The following CLEC16A variants were observed in gnomAD, a reference collection of about 807,000 sequenced individuals.
CLEC16A encodes the protein C-type lectin domain containing 16A.
Under a neutral mutation model 109.5 loss-of-function variants are expected in CLEC16A, and 51 were observed. The ratio of observed to expected loss-of-function variants is 0.47; its 90% CI spans 0.37 to 0.59. The LOEUF (loss-of-function observed/expected upper bound fraction) is 0.59. Among genes scored for constraint, CLEC16A ranks in the 20% least tolerant of loss-of-function variants. The probability of loss-of-function intolerance (pLI) is 0.00; values close to 1 mark genes in which losing one functional copy is unlikely to be tolerated. For missense variants in CLEC16A, 1,339 were observed against 1,394.0 expected, an observed-to-expected ratio of 0.96 and a Z score of 0.63; for synonymous variants, 673 against 564.2, an observed-to-expected ratio of 1.19 and a Z score of -2.73.
intron 23 of CLEC16A, among the ~76,000 whole-genome samples, chr16:11,172,598 A>G (rs2068568345): frequency 6.6e-6 from 1 of 152,318 alleles, no homozygotes; most frequent in Non-Finnish European, 1.5e-5. Flanking sequence ...ATTTTTAAAA[A>G]ACAAAAACGG....
At chr16:11,069,355 C>T (rs988741892) in intron 19 of CLEC16A, among the ~76,000 whole-genome samples, 1 of 152,112 alleles carries the variant, frequency 6.6e-6, no homozygotes, top group African/African-American at 2.4e-5. Flanking sequence ...TCTCAAACTC[C>T]TCTGCTCAAG....
chr16:11,141,546 A>G (rs974109947), intron 22 of CLEC16A, among the ~76,000 whole-genome samples: 1 of 152,006 alleles, frequency 6.6e-6, no homozygotes, highest in Non-Finnish European at 1.5e-5. Flanking sequence ...TGTGAGTTTC[A>G]TTCTGCGTGC....
chr16:11,096,673 C>G (rs1023415472), intron 19 of CLEC16A, among the ~76,000 whole-genome samples: 8 of 152,182 alleles, frequency 5.3e-5, no homozygotes, highest in Non-Finnish European at 1.0e-4. Flanking sequence ...ATTTTTCACT[C>G]CAGGCCTTAT....
In CLEC16A at chr16:11,003,074, G is replaced by A; in HGVS notation, c.1072G>A (p.Ala358Thr). The change falls in exon 11 of 24, where the codon GCC becomes ACC. Residue 358 changes from alanine (A) to threonine (T), a missense_variant and splice_region_variant. By Grantham distance (58) the Ala-to-Thr change is moderately conservative. This residue lies in a region of CLEC16A where 1,061 missense variants were observed against 1,006.8 expected (regional missense o/e 1.05). Transcript: ENST00000409790. ...KTEQDIQRSSAKPSIRCFIKP... is the reference protein window; with the variant it reads ...KTEQDIQRSSTKPSIRCFIKP... ...TGTTGCCTTCGTTGGACTTTCCTAG[G>A]CCAAGCCCAGCATTCGGTGCTTCAT... 1 of 1,608,370 alleles carries A rather than the reference G, an allele frequency of 6.2e-7. No homozygotes were observed. The highest frequency in any genetic ancestry group is 2.2e-5 in the East Asian group (1 of 44,814).
In CLEC16A at chr16:10,954,935, G is replaced by A. The variant is rs2041917174; in HGVS notation, c.81-2847G>A. On this transcript the variant is annotated intron_variant, in intron 1 of 23. Transcript: ENST00000409790. This position sits in a 1 kb window ranked among gnomAD's most constrained non-coding sequence, Gnocchi z 4.2. ...CAATGACCATAATCTAATCACCATG[G>A]CAGCCAAGCCTGCTTCTGTTGAGCC... Among the ~76,000 whole-genome samples, 1 of 152,180 alleles carries A rather than the reference G, an allele frequency of 6.6e-6. No individual in the cohort carries two copies. Among genetic ancestry groups the A allele is most frequent in the African/African-American group, 2.4e-5 (1 of 41,426 alleles).
intron 21 of CLEC16A, 76 bp downstream of exon 21, chr16:11,124,022 C>G (rs984356748): frequency 1.5e-6 from 2 of 1,292,516 alleles, no homozygotes; most frequent in Non-Finnish European, 2.2e-6. Flanking sequence ...TCACACTGAC[C>G]TTGAGAACCC....
chr16:11,026,668 TCTG>T (rs1414017498), intron 13 of CLEC16A, among the ~76,000 whole-genome samples: 3 of 148,890 alleles, frequency 2.0e-5, no homozygotes, highest in African/African-American at 7.5e-5. Flanking sequence ...TTTTTTGCCT[TCTG>T]CTGCTTCCAA....
At chr16:11,021,736 G>A (rs959716389) in intron 12 of CLEC16A, among the ~76,000 whole-genome samples, 2 of 152,206 alleles carry the variant, frequency 1.3e-5, no homozygotes, top group Non-Finnish European at 2.9e-5. Flanking sequence ...GGTCAAGGCT[G>A]CAATGCACTA....
At chr16:11,102,445 T>G (rs1032165086) in intron 19 of CLEC16A, among the ~76,000 whole-genome samples, 11 of 152,244 alleles carry the variant, frequency 7.2e-5, no homozygotes, top group African/African-American at 2.7e-4. Flanking sequence ...ATGTTTGAAG[T>G]ATATTGAATT....
At chr16:11,087,963 G>A (rs2050101107) in intron 19 of CLEC16A, among the ~76,000 whole-genome samples, 1 of 152,256 alleles carries the variant, frequency 6.6e-6, no homozygotes. Context: ...GGGAGCTCTT[G>A]GGACAAGTCT....
At chr16:11,015,730 G>C (rs1403237679) in intron 11 of CLEC16A, among the ~76,000 whole-genome samples, 2 of 152,266 alleles carry the variant, frequency 1.3e-5, no homozygotes, top group African/African-American at 2.4e-5. Flanking sequence ...GATTAAGCCA[G>C]AAAGGGGACA....
At chr16:11,033,402 G>A (rs577626211) in intron 13 of CLEC16A, among the ~76,000 whole-genome samples, 74 of 152,306 alleles carry the variant, frequency 4.9e-4, no homozygotes, top group African/African-American at 1.8e-3. Flanking sequence ...CCTTGGAGTA[G>A]GTTTGGAGAA....
chr16:11,173,277 G>A (rs554832887), intron 23 of CLEC16A, among the ~76,000 whole-genome samples: 33 of 152,220 alleles, frequency 2.2e-4, no homozygotes, highest in Non-Finnish European at 8.8e-5. Flanking sequence ...CATTTTCGCC[G>A]TTTTTCAGTG....
intron 10 of CLEC16A, among the ~76,000 whole-genome samples, chr16:10,989,179 A>C (rs957415833): frequency 2.6e-5 from 4 of 152,028 alleles, no homozygotes; most frequent in Non-Finnish European, 5.9e-5. Flanking sequence ...CCAGACCCAG[A>C]TTTAATTTCT....
chr16:10,964,835 G>C lies in CLEC16A; in HGVS notation c.343+2247G>C, dbSNP rs536350137. Among the ~76,000 whole-genome samples the C allele has an allele frequency of 3.4e-3, 515 of 152,300 alleles. 3 individuals carry two copies. Among genetic ancestry groups the C allele is most frequent in the Non-Finnish European group, 5.7e-3 (387 of 68,032 alleles). Reference sequence around the variant, plus strand: ...TGTGAAATAATCACGGCAATCAAGTGAATTAACATATCCATCACCTCACTT... The same window carrying C: ...TGTGAAATAATCACGGCAATCAAGTCAATTAACATATCCATCACCTCACTT... On this transcript the variant is annotated intron_variant, in intron 3 of 23. Transcript: ENST00000409790.
chr16:11,090,668 A>G (rs1407093586), intron 19 of CLEC16A, among the ~76,000 whole-genome samples: 3 of 151,946 alleles, frequency 2.0e-5, no homozygotes, highest in African/African-American at 7.3e-5. Flanking sequence ...TTTTTGAGAG[A>G]GAGTCTCGCT....
chr16:10,944,845 C>G, intron 1 of CLEC16A, 48 bp downstream of exon 1: 2 of 1,505,856 alleles, frequency 1.3e-6, no homozygotes, highest in Non-Finnish European at 1.8e-6. Context: ...GACAGGGGGA[C>G]GGGGCGCCGA....
intron 19 of CLEC16A, among the ~76,000 whole-genome samples, chr16:11,080,430 TGGGGAAGG>T (rs925888721): frequency 1.1e-4 from 17 of 152,318 alleles, no homozygotes; most frequent in Admixed American, 9.1e-4. Context: ...GCAGACAACC[TGGGGAAGG>T]GCCTTCCAGG....
intron 16 of CLEC16A, among the ~76,000 whole-genome samples, chr16:11,045,110 T>G (rs901024336): frequency 2.0e-5 from 3 of 152,040 alleles, no homozygotes; most frequent in African/African-American, 7.3e-5. Context: ...TTTGGGAGGC[T>G]GCGGCGGTCA....
Sources: gnomAD v4.1 joint callset for allele counts (sites outside exome capture counted in the v4.1 genomes callset) on GRCh38, gnomAD v4.1.1 for gene constraint, gnomAD v4.1.1 regional missense constraint, Gnocchi (gnomAD v3.1) non-coding constraint, MANE v1.5 for transcripts, NCBI Gene and HGNC (gene_info 2026-07-23, HGNC 2026-07-21) for gene names.